Variants in RPTOR observed in about 807,000 individuals in gnomAD.
RPTOR encodes regulatory associated protein of MTOR complex 1, also known as regulatory-associated protein of mTOR.
RPTOR carries 21 observed loss-of-function variants against 169.9 expected under a neutral mutation model. The observed-to-expected ratio is 0.12, with a 90% CI of 0.09 to 0.18. RPTOR has a LOEUF of 0.18. Among genes scored for constraint, RPTOR ranks in the 10% least tolerant of loss-of-function variants. The pLI is 1.00. For missense variants in RPTOR, 1,133 were observed against 1,855.9 expected (o/e 0.61, Z 7.16); for synonymous variants, 732 against 753.2 (o/e 0.97, Z 0.46).
chr17:80,576,730 G>T (rs928407215), intron 1 of RPTOR, among the ~76,000 whole-genome samples: 1 of 152,146 alleles, frequency 6.6e-6, no homozygotes, highest in Non-Finnish European at 1.5e-5. Context: ...TTGAGACAGG[G>T]TCTCGCTCTG....
chr17:80,610,189 CCTT>C (rs1421989706), intron 1 of RPTOR, among the ~76,000 whole-genome samples: 1 of 152,112 alleles, frequency 6.6e-6, no homozygotes, highest in Non-Finnish European at 1.5e-5. Flanking sequence ...TCCTCCTTCT[CCTT>C]CTCCTTCCCT....
At chr17:80,678,013 A>T (rs1323983635) in intron 3 of RPTOR, among the ~76,000 whole-genome samples, 1 of 152,232 alleles carries the variant, frequency 6.6e-6, no homozygotes, top group Non-Finnish European at 1.5e-5. Flanking sequence ...GTAGAAGAAC[A>T]AGAAGGAGAA....
chr17:80,841,740 C>T lies in RPTOR; in HGVS notation c.1212+3743C>T, dbSNP rs118179260. On this transcript the variant is annotated intron_variant, in intron 10 of 33. Transcript: ENST00000306801. ...CTCACTCTCACCACACCGCAGCTCA[C>T]TCTCCCCGCACGGCAGCTCACTCTC... 3.1e-4 allele frequency among the ~76,000 whole-genome samples: 44 copies of T among 143,944 alleles called. No homozygotes were observed. In the East Asian group the frequency reaches 9.5e-3, roughly 31 times the overall value. The allele number at this position is 143,944 out of a possible 152,430, so 94.4% of individuals were successfully genotyped here. A position where few individuals can be genotyped will look rare whatever the true frequency, so the allele number is the denominator to read the frequency against.
At chr17:80,700,787 G>GTGGTGA (rs2066092997) in intron 3 of RPTOR, among the ~76,000 whole-genome samples, 2 of 111,788 alleles carry the variant, frequency 1.8e-5, no homozygotes, top group African/African-American at 3.6e-5. Flanking sequence ...GATGATGATG[G>GTGGTGA]TGGTGGTGGT....
At position 80,669,848 on chromosome 17, in the gene RPTOR, T is replaced by C. The variant is rs150698409; in HGVS notation, c.348+26038T>C. Among the ~76,000 whole-genome samples the C allele has an allele frequency of 8.7e-4, 133 of 152,380 alleles. 1 individual carries two copies. Among genetic ancestry groups the C allele is most frequent in the African/African-American group, 3.0e-3 (123 of 41,590 alleles). ...TTTTTCCTGATACTTCTGATACTTA[T>C]TCAAATAATTCATTTTTTTTGTTCT... On this transcript the variant is annotated intron_variant, in intron 3 of 33. Coordinates refer to ENST00000306801, the MANE Select transcript of RPTOR (RefSeq NM_020761.3).
At chr17:80,883,713 G>A in intron 15 of RPTOR, 68 bp from the exon 16 acceptor site, 1 of 1,545,510 alleles carries the variant, frequency 6.5e-7, no homozygotes, top group Non-Finnish European at 8.9e-7. Flanking sequence ...GTTGTCCCGT[G>A]CAGGTACCCA....
At chr17:80,883,548 A>G in intron 15 of RPTOR, 64 bp downstream of exon 15, 1 of 1,536,534 alleles carries the variant, frequency 6.5e-7, no homozygotes, top group South Asian at 1.1e-5. Flanking sequence ...AGCTGGGCCC[A>G]CTGTGAAACG....
intron 6 of RPTOR, among the ~76,000 whole-genome samples, chr17:80,787,571 A>G (rs1164133757): frequency 2.6e-5 from 4 of 152,250 alleles, no homozygotes; most frequent in Admixed American, 6.5e-5. Context: ...GTATAGGAAC[A>G]TTCAGTTTTA....
At chr17:80,828,387 G>C (rs897016846) in intron 9 of RPTOR, among the ~76,000 whole-genome samples, 17 of 152,186 alleles carry the variant, frequency 1.1e-4, no homozygotes, top group African/African-American at 4.1e-4. Context: ...AGAGCCCTGG[G>C]GTTTTCCCTC....
chr17:80,634,873 CTGTGTGCAT>C (rs2065493361), intron 2 of RPTOR, among the ~76,000 whole-genome samples: 1 of 67,448 alleles, frequency 1.5e-5, no homozygotes, highest in Non-Finnish European at 3.3e-5. Context: ...TGTGTGCATA[CTGTGTGCAT>C]ACTTTGTGTG....
chr17:80,610,591 G>A (rs2065263181), intron 1 of RPTOR, among the ~76,000 whole-genome samples: 1 of 152,246 alleles, frequency 6.6e-6, no homozygotes, highest in South Asian at 2.1e-4. Flanking sequence ...GTACTCCCGG[G>A]TGCTTCTTGC....
At chr17:80,589,758 A>G (rs1027057114) in intron 1 of RPTOR, among the ~76,000 whole-genome samples, 11 of 152,038 alleles carry the variant, frequency 7.2e-5, no homozygotes, top group African/African-American at 1.7e-4. Flanking sequence ...TTTTTTTTCA[A>G]TCGACTGATT....
intron 2 of RPTOR, among the ~76,000 whole-genome samples, chr17:80,626,562 G>A (rs2143535941): frequency 6.6e-6 from 1 of 152,128 alleles, no homozygotes; most frequent in South Asian, 2.1e-4. Flanking sequence ...GACGCCACTG[G>A]AAGCACTTTA....
intron 1 of RPTOR, among the ~76,000 whole-genome samples, chr17:80,623,558 T>C (rs925532129): frequency 1.3e-5 from 2 of 152,200 alleles, no homozygotes; most frequent in African/African-American, 4.8e-5. Context: ...TTTTTTGAGA[T>C]GGAGTCTTGC....
At chr17:80,563,203 T>C (rs1010516637) in intron 1 of RPTOR, among the ~76,000 whole-genome samples, 5 of 147,356 alleles carry the variant, frequency 3.4e-5, no homozygotes, top group African/African-American at 5.1e-5. Flanking sequence ...CATGAATGTT[T>C]TCCCTGAAGA....
At chr17:80,908,454 G>A (rs1303282724) in intron 20 of RPTOR, among the ~76,000 whole-genome samples, 1 of 152,162 alleles carries the variant, frequency 6.6e-6, no homozygotes, top group Non-Finnish European at 1.5e-5. Flanking sequence ...ACTACCCATG[G>A]GCTGCGGCAG....
intron 24 of RPTOR, among the ~76,000 whole-genome samples, chr17:80,929,851 C>G (rs1350915512): frequency 6.6e-6 from 1 of 152,196 alleles, no homozygotes; most frequent in Non-Finnish European, 1.5e-5. Context: ...GTCATAGATT[C>G]TCCCACAAAA....
intron 5 of RPTOR, among the ~76,000 whole-genome samples, chr17:80,739,178 G>GACGCGGAGGCCGAGGGGCTCGCCCTGC (rs1555613075): frequency 2.6e-4 from 9 of 35,020 alleles, no homozygotes; most frequent in Non-Finnish European, 4.2e-4. Context: ...GGCTCGCCCC[G>GACGCGGAGGCCGAGGGGCTCGCCCTGC]CCCCGACGCG....
At chr17:80,672,363 G>T (rs985271622) in intron 3 of RPTOR, among the ~76,000 whole-genome samples, 3 of 122,920 alleles carry the variant, frequency 2.4e-5, no homozygotes, top group Admixed American at 8.4e-5. Flanking sequence ...CTGTGCAAAG[G>T]TTCTTTTTTT....
Sources: gnomAD v4.1 joint callset for allele counts (sites outside exome capture counted in the v4.1 genomes callset) on GRCh38, gnomAD v4.1.1 for gene constraint, MANE v1.5 for transcripts, NCBI Gene and HGNC (gene_info 2026-07-23, HGNC 2026-07-21) for gene names.